The following CSK variants were observed in gnomAD, a reference collection of about 807,000 sequenced individuals.
The protein encoded by CSK is tyrosine-protein kinase CSK.
Under a neutral mutation model 62.3 loss-of-function variants are expected in CSK, and 7 were observed. That is an observed-to-expected ratio of 0.11 (90% confidence interval 0.06 to 0.21). The LOEUF is 0.21. Ranked by LOEUF, CSK falls within the 10% of genes least tolerant of loss-of-function variation. The pLI is 1.00. For synonymous variants in CSK, 237 were observed against 246.0 expected, an observed-to-expected ratio of 0.96 and a Z score of 0.34; for missense variants, 294 against 613.5, an observed-to-expected ratio of 0.48 and a Z score of 5.50.
rs142971426 is a variant in CSK at position 74,798,719 on chromosome 15, C to T, written c.120C>T (p.Ala40=). 2.5e-5 allele frequency: 41 copies of T among 1,613,568 alleles called. 2 individuals are homozygous for T. In the South Asian group the frequency reaches 4.1e-4, roughly 16 times the overall value. The change falls in exon 3 of 13, where the codon GCC becomes GCT. Residue 40 remains alanine (A), a synonymous_variant. Coordinates refer to ENST00000220003, the MANE Select transcript of CSK (RefSeq NM_004383.3). The surrounding 1 kb of genome is among the most constrained non-coding windows in gnomAD (Gnocchi z 6.6). ...AAGGAGACGTGCTCACCATTGTGGC[C>T]GTCACCAAGGTAATCAGGTGACGCC... is the stretch of plus-strand genomic sequence containing the variant. ...FCKGDVLTIV[A]VTKDPNWYKA...
At chr15:74,801,955 G>T in intron 11 of CSK, 42 bp from the exon 12 acceptor site, 1 of 1,611,596 alleles carries the variant, frequency 6.2e-7, no homozygotes, top group Non-Finnish European at 8.5e-7. Context: ...CCCCACCCTG[G>T]AGTCCCAGGA....
intron 1 of CSK, among the ~76,000 whole-genome samples, chr15:74,794,849 C>T (rs367631957): frequency 6.6e-5 from 10 of 152,260 alleles, no homozygotes; most frequent in East Asian, 3.9e-4. Flanking sequence ...ATCACATGCC[C>T]CCCTGCTGAG....
rs760892726 is a variant in CSK, at chr15:74,800,993, C to T, written c.723-19C>T. 1.1e-5 allele frequency: 17 copies of T among 1,612,978 alleles called. No individual in the cohort carries two copies. Among genetic ancestry groups the T allele is most frequent in the Admixed American group, 6.7e-5 (4 of 60,000 alleles). ...GAGGCACCAGCTTCCCCTTTCTGAC[C>T]ACTCTCGTCCTGCCCCAGGCAACTG... is the stretch of plus-strand genomic sequence containing the variant. On this transcript the variant is annotated intron_variant, in intron 8 of 12. Transcript: ENST00000220003.
chr15:74,788,786 A>G (rs2063565291), intron 1 of CSK: 2 of 154,376 alleles, frequency 1.3e-5, no homozygotes, highest in African/African-American at 4.8e-5. Context: ...GGTGAGGGAC[A>G]AGAACATGAC....
chr15:74,791,592 C>T (rs1386652947), intron 1 of CSK, among the ~76,000 whole-genome samples: 1 of 152,160 alleles, frequency 6.6e-6, no homozygotes, highest in Admixed American at 6.5e-5. Flanking sequence ...ATAGCTGTCC[C>T]CCCGACCACC....
chr15:74,797,261 A>G (rs1460836704), intron 1 of CSK, among the ~76,000 whole-genome samples: 1 of 152,160 alleles, frequency 6.6e-6, no homozygotes, highest in Non-Finnish European at 1.5e-5. Flanking sequence ...ATGTTTTGAA[A>G]TTTATCGGGA....
chr15:74,787,297 G>A (rs889691282), intron 1 of CSK, among the ~76,000 whole-genome samples: 3 of 152,218 alleles, frequency 2.0e-5, no homozygotes, highest in Non-Finnish European at 4.4e-5. Flanking sequence ...GCAGGGAGAG[G>A]CTGGCTTTGG....
At chr15:74,795,647 CAG>C (rs1366461449) in intron 1 of CSK, among the ~76,000 whole-genome samples, 7 of 152,136 alleles carry the variant, frequency 4.6e-5, no homozygotes, top group Non-Finnish European at 8.8e-5. Context: ...TTGCTGCTCT[CAG>C]GGAATGGGGT....
intron 1 of CSK, among the ~76,000 whole-genome samples, chr15:74,795,973 A>G (rs887185937): frequency 1.3e-5 from 2 of 152,174 alleles, no homozygotes; most frequent in South Asian, 2.1e-4. Context: ...ATCTCAGCAC[A>G]TTGGGAGGCT....
At chr15:74,794,810 C>G (rs1484054101) in intron 1 of CSK, among the ~76,000 whole-genome samples, 7 of 152,098 alleles carry the variant, frequency 4.6e-5, no homozygotes, top group Non-Finnish European at 7.4e-5. Context: ...CCCTGGCCGT[C>G]TCCTCCCCAG....
In CSK at chr15:74,802,050, C is replaced by G; in HGVS notation, c.1137C>G (p.Ile379Met). The part of the protein sequence containing the change: ...VWSFGILLWE[I>M]YSFGRVPYPR... ...GTTTCGGAATCCTTCTCTGGGAAAT[C>G]TACTCCTTTGGGCGAGTGCCTTATC... is the stretch of plus-strand genomic sequence containing the variant. The change falls in exon 12 of 13, where the codon ATC (isoleucine) becomes ATG (methionine). Residue 379 changes from isoleucine to methionine, a missense_variant. Ile to Met is a conservative substitution (Grantham distance 10, BLOSUM62 1). Around this residue, in one of 3 missense-constraint regions of CSK, gnomAD observed 66 missense variants for 99.3 expected, o/e 0.66. Coordinates refer to ENST00000220003, the MANE Select transcript of CSK (RefSeq NM_004383.3). 6.2e-7 allele frequency: 1 copy of G among 1,614,142 alleles called. No individual in the cohort carries two copies. The highest frequency in any genetic ancestry group is 8.5e-7 in the Non-Finnish European group (1 of 1,180,010).
intron 6 of CSK, 22 bp downstream of exon 6, chr15:74,800,527 CCT>C: frequency 6.2e-7 from 1 of 1,607,184 alleles, no homozygotes; most frequent in South Asian, 1.1e-5. Context: ...CCACCCCAGA[CCT>C]CTTGCCCACC....
Position 74,799,305 on chromosome 15 carries a change from T to C in CSK, c.276T>C (p.Ala92=), listed in dbSNP as rs1364546882. 1.2e-6 allele frequency: 2 copies of C among 1,611,584 alleles called. No homozygotes were observed. The highest frequency in any genetic ancestry group is 2.1e-4 in the Middle Eastern group (1 of 4,764). The change falls in exon 5 of 13, where the codon GCT becomes GCC. Residue 92 remains alanine (A), a synonymous_variant. Coordinates refer to ENST00000220003, the MANE Select transcript of CSK (RefSeq NM_004383.3). ...ACGGCAAGATCACACGGGAGCAGGC[T>C]GAGCGGCTTCTGTACCCGCCGGAGA... ...WFHGKITREQ[A]ERLLYPPETG...
In CSK at chr15:74,798,139, T is replaced by C. The variant is rs2063734764; in HGVS notation, c.-65-94T>C. 1 of 710,974 alleles carries C rather than the reference T, an allele frequency of 1.4e-6. No homozygotes were observed. Among genetic ancestry groups the C allele is most frequent in the Non-Finnish European group, 2.3e-6 (1 of 432,892 alleles). 44.0% of individuals were successfully genotyped at this position (710,974 alleles called of 1,614,324 possible). Reference sequence around the variant, plus strand: ...TGTCAAATCCCAGCGCAGGACACTCTTGGCACCTGTTCATGCCCAGTGAGG... The same window carrying C: ...TGTCAAATCCCAGCGCAGGACACTCCTGGCACCTGTTCATGCCCAGTGAGG... On this transcript the variant is annotated intron_variant, in intron 1 of 12. Coordinates refer to ENST00000220003, the MANE Select transcript of CSK (RefSeq NM_004383.3). The surrounding 1 kb of genome is among the most constrained non-coding windows in gnomAD (Gnocchi z 6.6).
intron 1 of CSK, among the ~76,000 whole-genome samples, chr15:74,797,123 G>A (rs1484507001): frequency 6.6e-6 from 1 of 152,020 alleles, no homozygotes; most frequent in African/African-American, 2.4e-5. Context: ...TGTATCTTTA[G>A]TAGAGACCGG....
At chr15:74,789,671 C>T (rs2063587188) in intron 1 of CSK, among the ~76,000 whole-genome samples, 1 of 152,220 alleles carries the variant, frequency 6.6e-6, no homozygotes, top group Admixed American at 6.5e-5. Flanking sequence ...TCTTCATTAA[C>T]TCGCTCTGTA....
chr15:74,801,057 G>A lies in CSK; in HGVS notation c.768G>A (p.Val256=), dbSNP rs753705973. The change falls in exon 9 of 13, where the codon GTG becomes GTA. Residue 256 remains valine (V), a synonymous_variant. Transcript: ENST00000220003. ...TGGTGCAGCTCCTGGGCGTGATCGTGGAGGAGAAGGGCGGGCTCTACATCG... is the reference window on the plus strand; with the variant it reads ...TGGTGCAGCTCCTGGGCGTGATCGTAGAGGAGAAGGGCGGGCTCTACATCG... ...SNLVQLLGVI[V]EEKGGLYIVT... The A allele has an allele frequency of 3.0e-5, 48 of 1,613,292 alleles. No individual in the cohort carries two copies. Among genetic ancestry groups the A allele is most frequent in the Non-Finnish European group, 3.7e-5 (44 of 1,180,032 alleles).
intron 1 of CSK, among the ~76,000 whole-genome samples, chr15:74,788,321 C>A (rs924389191): frequency 6.6e-6 from 1 of 152,162 alleles, no homozygotes; most frequent in African/African-American, 2.4e-5. Flanking sequence ...CGGTGCCCCC[C>A]ACCTGTCCAT....
At chr15:74,799,622 T>C (rs1271768508) in intron 5 of CSK, 131 bp downstream of exon 5, 2 of 918,348 alleles carry the variant, frequency 2.2e-6, no homozygotes, top group Non-Finnish European at 3.3e-6. Context: ...CTGTGAGCCC[T>C]TGTTTCCTCA....
Sources: allele counts gnomAD v4.1 joint callset (sites outside exome capture counted in the v4.1 genomes callset), GRCh38; gene constraint gnomAD v4.1.1; regional missense constraint gnomAD v4.1.1; non-coding constraint Gnocchi (gnomAD v3.1); transcripts MANE v1.5; gene names NCBI Gene and HGNC (gene_info 2026-07-23, HGNC 2026-07-21).